The following ACOXL variants were observed in gnomAD, a reference collection of about 807,000 sequenced individuals.
ACOXL encodes the protein acyl-CoA oxidase like, also known as acyl-coenzyme A oxidase-like protein.
Under a neutral mutation model 71.9 loss-of-function variants are expected in ACOXL, and 70 were observed. The observed-to-expected ratio is 0.97, with a 90% CI of 0.80 to 1.19. The LOEUF is 1.19. Among genes scored for constraint, ACOXL ranks in the 50% most tolerant of loss-of-function variants. The pLI is 0.00. For synonymous variants in ACOXL, 253 were observed against 281.6 expected, an observed-to-expected ratio of 0.90 and a Z score of 1.02; for missense variants, 703 against 736.3, an observed-to-expected ratio of 0.95 and a Z score of 0.52.
intron 1 of ACOXL, among the ~76,000 whole-genome samples, chr2:110,759,413 C>T (rs1215480456): frequency 6.6e-6 from 1 of 152,148 alleles, no homozygotes; most frequent in African/African-American, 2.4e-5. Context: ...TTGAATTGAA[C>T]ACTTTACTGT....
At chr2:110,806,697 C>T (rs908007658) in intron 9 of ACOXL, among the ~76,000 whole-genome samples, 2 of 152,220 alleles carry the variant, frequency 1.3e-5, no homozygotes, top group Non-Finnish European at 2.9e-5. Context: ...CATCCTGACT[C>T]AGGGGCCCTC....
intron 14 of ACOXL, among the ~76,000 whole-genome samples, chr2:111,022,908 C>G (rs1028090292): frequency 1.3e-5 from 2 of 152,172 alleles, no homozygotes; most frequent in African/African-American, 4.8e-5. Flanking sequence ...ATCTGGCTTG[C>G]GACATTTCCC....
At chr2:110,968,016 T>C in intron 12 of ACOXL, 2 of 1,014,330 alleles carry the variant, frequency 2.0e-6, no homozygotes, top group Non-Finnish European at 3.1e-6. Context: ...GAGATATCAT[T>C]AGTCAGATTG....
At chr2:110,996,098 T>C in intron 14 of ACOXL, 94 bp downstream of exon 14, 4 of 1,042,240 alleles carry the variant, frequency 3.8e-6, no homozygotes, top group Non-Finnish European at 5.9e-6. Context: ...AGAGGATGAG[T>C]CAGCCTAATG....
chr2:110,879,965 G>A (rs559929827), intron 10 of ACOXL, among the ~76,000 whole-genome samples: 5 of 152,048 alleles, frequency 3.3e-5, no homozygotes, highest in Non-Finnish European at 5.9e-5. Flanking sequence ...GGCCAACATG[G>A]TGAAACCCCG....
At chr2:110,904,878 G>T (rs4332932) in intron 10 of ACOXL, among the ~76,000 whole-genome samples, 1 of 151,934 alleles carries the variant, frequency 6.6e-6, no homozygotes, top group Non-Finnish European at 1.5e-5. Flanking sequence ...GGGGAGACTA[G>T]GTTAGGCCCT....
rs1419596051 is a variant in ACOXL, at chr2:110,908,914, G to T, written c.905+9G>T. On this transcript the variant is annotated intron_variant, in intron 11 of 17. Transcript: ENST00000439055. ...CTGACCTTCGTCAGCAGGTGAGATG[G>T]CTCTCAGGGTTTGCTCTCTTAGGGT... 6.2e-6 allele frequency: 10 copies of T among 1,608,362 alleles called. No homozygotes were observed. The highest frequency in any genetic ancestry group is 8.5e-6 in the Non-Finnish European group (10 of 1,175,418).
intron 9 of ACOXL, among the ~76,000 whole-genome samples, chr2:110,837,634 A>G (rs944143390): frequency 1.3e-5 from 2 of 151,240 alleles, no homozygotes; most frequent in African/African-American, 2.4e-5. Context: ...TCATATGGAA[A>G]CCCCTCCAAC....
intron 16 of ACOXL, among the ~76,000 whole-genome samples, chr2:111,085,896 C>A (rs1238958641): frequency 6.6e-6 from 1 of 152,096 alleles, no homozygotes; most frequent in Admixed American, 6.5e-5. Context: ...ACCACCGACT[C>A]CACAGAAATA....
intron 14 of ACOXL, among the ~76,000 whole-genome samples, chr2:110,997,766 C>G (rs1301645960): frequency 3.9e-5 from 6 of 152,144 alleles, no homozygotes; most frequent in Admixed American, 3.3e-4. Flanking sequence ...AAAACAGTCA[C>G]GAAATTGGCT....
intron 10 of ACOXL, among the ~76,000 whole-genome samples, chr2:110,872,844 C>T (rs950722955): frequency 1.3e-5 from 2 of 152,152 alleles, no homozygotes; most frequent in Non-Finnish European, 2.9e-5. Context: ...TGTTAGCAAA[C>T]CCCTAAGCCT....
chr2:111,045,909 G>A (rs1411160672), intron 15 of ACOXL, among the ~76,000 whole-genome samples: 3 of 152,082 alleles, frequency 2.0e-5, no homozygotes, highest in South Asian at 2.1e-4. Context: ...GTTCCTACAC[G>A]TGCACTTCAG....
intron 9 of ACOXL, among the ~76,000 whole-genome samples, chr2:110,826,382 A>G (rs1392792161): frequency 1.3e-5 from 2 of 152,196 alleles, no homozygotes; most frequent in Non-Finnish European, 2.9e-5. Flanking sequence ...GCAAGATAGC[A>G]TGTTCTCTGA....
At chr2:110,888,386 T>C (rs1027656557) in intron 10 of ACOXL, among the ~76,000 whole-genome samples, 1 of 152,246 alleles carries the variant, frequency 6.6e-6, no homozygotes, top group African/African-American at 2.4e-5. Context: ...TATTTACTGC[T>C]GTACCCCGTG....
intron 14 of ACOXL, among the ~76,000 whole-genome samples, chr2:111,021,166 G>T (rs1373362792): frequency 1.3e-5 from 2 of 152,124 alleles, no homozygotes; most frequent in Non-Finnish European, 2.9e-5. Flanking sequence ...GGGTGGCAGG[G>T]GCGAAGGGTA....
rs530170097 is a variant in ACOXL at position 110,785,678 on chromosome 2, T to G, written c.159+863T>G. ...TACCACAGCATTTATTCATCCACTT[T>G]CTCATGTTGTTTCCAGGATTTTGCT... On this transcript the variant is annotated intron_variant, in intron 3 of 17. Transcript: ENST00000439055. 3.3e-5 allele frequency among the ~76,000 whole-genome samples: 5 copies of G among 152,280 alleles called. No homozygotes were observed. The East Asian group carries it at 7.7e-4, about 23-fold the overall frequency.
At chr2:110,773,099 C>G (rs1054384157) in intron 2 of ACOXL, among the ~76,000 whole-genome samples, 3 of 152,188 alleles carry the variant, frequency 2.0e-5, no homozygotes, top group Admixed American at 2.0e-4. Flanking sequence ...AAATCGTCTA[C>G]TATTTTCTCA....
intron 3 of ACOXL, among the ~76,000 whole-genome samples, chr2:110,792,237 G>A (rs1201509697): frequency 6.6e-6 from 1 of 152,164 alleles, no homozygotes; most frequent in Admixed American, 6.5e-5. Flanking sequence ...AAACCACTTG[G>A]ACAGATTCTA....
chr2:111,043,798 A>G (rs1329357252), intron 15 of ACOXL, among the ~76,000 whole-genome samples: 3 of 152,212 alleles, frequency 2.0e-5, no homozygotes, highest in South Asian at 2.1e-4. Flanking sequence ...ATGGAGGGGT[A>G]GGTGTCAGCC....
Sources: gnomAD v4.1 joint callset for allele counts (sites outside exome capture counted in the v4.1 genomes callset) on GRCh38, gnomAD v4.1.1 for gene constraint, MANE v1.5 for transcripts, NCBI Gene and HGNC (gene_info 2026-07-23, HGNC 2026-07-21) for gene names.